ENTREP2: variants seen among roughly 807,000 people sequenced by gnomAD.
ENTREP2 encodes endosomal transmembrane epsin interactor 2.
At chr15:29,381,864 G>A in the ENTREP2 span, 2 of 1,545,408 alleles carry the variant, frequency 1.3e-6, no homozygotes, top group Admixed American at 2.0e-5. Flanking sequence ...AAGGTGAGAT[G>A]CTTCCGAAAC....
the ENTREP2 span, among the ~76,000 whole-genome samples, chr15:29,137,489 A>G: frequency 1.1e-4 from 17 of 152,252 alleles, no homozygotes; most frequent in Middle Eastern, 3.4e-3. Context: ...GGCCCCTCTG[A>G]TGACAGTACT....
the ENTREP2 span, among the ~76,000 whole-genome samples, chr15:29,218,129 A>G: frequency 1.3e-5 from 2 of 152,188 alleles, no homozygotes; most frequent in African/African-American, 4.8e-5. Flanking sequence ...CGTGGATATC[A>G]GTGCCTGTTC....
At chr15:29,276,983 C>G in the ENTREP2 span, among the ~76,000 whole-genome samples, 2 of 152,156 alleles carry the variant, frequency 1.3e-5, no homozygotes, top group Non-Finnish European at 2.9e-5. Context: ...ATGTGCTCAT[C>G]ATTTTAGTTG....
chr15:29,526,946 T>G, the ENTREP2 span, among the ~76,000 whole-genome samples: 1 of 152,200 alleles, frequency 6.6e-6, no homozygotes, highest in South Asian at 2.1e-4. Flanking sequence ...ATCTCCATGC[T>G]GTGGAATCCG....
chr15:29,303,110 C>G, the ENTREP2 span, among the ~76,000 whole-genome samples: 1 of 152,034 alleles, frequency 6.6e-6, no homozygotes, highest in Non-Finnish European at 1.5e-5. Context: ...GGAGCCCACA[C>G]GACACTCCTT....
At chr15:29,239,874 C>G in the ENTREP2 span, among the ~76,000 whole-genome samples, 1 of 152,148 alleles carries the variant, frequency 6.6e-6, no homozygotes, top group Non-Finnish European at 1.5e-5. Flanking sequence ...GGTTTAGATT[C>G]TTTAAAATTA....
chr15:29,161,755 A>T, the ENTREP2 span, among the ~76,000 whole-genome samples: 1 of 152,254 alleles, frequency 6.6e-6, no homozygotes, highest in Non-Finnish European at 1.5e-5. Context: ...AACCACACAC[A>T]GAAAATTCAC....
At chr15:29,638,916 C>G in the ENTREP2 span, among the ~76,000 whole-genome samples, 1 of 152,190 alleles carries the variant, frequency 6.6e-6, no homozygotes, top group Non-Finnish European at 1.5e-5. Flanking sequence ...AAGGGCTGAG[C>G]CCACGGTCAG....
At chr15:29,635,071 C>T in the ENTREP2 span, among the ~76,000 whole-genome samples, 1 of 152,144 alleles carries the variant, frequency 6.6e-6, no homozygotes, top group African/African-American at 2.4e-5. Context: ...TCTCAATCTC[C>T]TGACCTCATG....
At chr15:29,442,250 T>C in the ENTREP2 span, among the ~76,000 whole-genome samples, 1 of 151,882 alleles carries the variant, frequency 6.6e-6, no homozygotes, top group Non-Finnish European at 1.5e-5. Flanking sequence ...GGGGTCAGAG[T>C]GGAGATCATT....
the ENTREP2 span, among the ~76,000 whole-genome samples, chr15:29,207,874 G>A: frequency 6.6e-6 from 1 of 152,092 alleles, no homozygotes; most frequent in South Asian, 2.1e-4. Context: ...TGCACAATGG[G>A]CGTGGAATCA....
At chr15:29,256,066 A>G in the ENTREP2 span, among the ~76,000 whole-genome samples, 25 of 152,190 alleles carry the variant, frequency 1.6e-4, no homozygotes, top group Admixed American at 1.4e-3. Context: ...GCTGGAGTCC[A>G]TATTATATGA....
the ENTREP2 span, among the ~76,000 whole-genome samples, chr15:29,523,116 G>T: frequency 6.6e-6 from 1 of 152,212 alleles, no homozygotes; most frequent in Admixed American, 6.5e-5. Context: ...TGCACAAGCA[G>T]GAAGGGAAGA....
At chr15:29,343,034 G>GGA in the ENTREP2 span, among the ~76,000 whole-genome samples, 2 of 147,248 alleles carry the variant, frequency 1.4e-5, no homozygotes, top group African/African-American at 4.9e-5. Flanking sequence ...GAATGGGGGG[G>GGA]GTGGTTCTTC....
the ENTREP2 span, chr15:29,252,382 C>A: frequency 6.5e-7 from 1 of 1,550,058 alleles, no homozygotes; most frequent in South Asian, 1.2e-5. Flanking sequence ...TGGCAGCCTT[C>A]TAGGGAGTTG....
the ENTREP2 span, among the ~76,000 whole-genome samples, chr15:29,277,185 A>C: frequency 1.3e-5 from 2 of 152,066 alleles, no homozygotes; most frequent in Non-Finnish European, 2.9e-5. Context: ...CTCTACTAAA[A>C]ATACAAAAAT....
the ENTREP2 span, among the ~76,000 whole-genome samples, chr15:29,658,351 C>A: frequency 6.6e-6 from 1 of 152,196 alleles, no homozygotes; most frequent in Admixed American, 6.5e-5. Context: ...CCTAGCCTTG[C>A]AGAACTGTGA....
At chr15:29,622,975 T>G in the ENTREP2 span, among the ~76,000 whole-genome samples, 1 of 152,140 alleles carries the variant, frequency 6.6e-6, no homozygotes, top group African/African-American at 2.4e-5. Context: ...TGCGAACACT[T>G]CCACCCCAAA....
the ENTREP2 span, among the ~76,000 whole-genome samples, chr15:29,571,134 G>A: frequency 6.6e-6 from 1 of 151,584 alleles, no homozygotes; most frequent in South Asian, 2.1e-4. Context: ...CGGGACCCGG[G>A]AGCCGGGAGA....
Sources: gnomAD v4.1 joint callset for allele counts (sites outside exome capture counted in the v4.1 genomes callset) on GRCh38, gnomAD v4.1.1 for gene constraint, MANE v1.5 for transcripts, NCBI Gene and HGNC (gene_info 2026-07-23, HGNC 2026-07-21) for gene names.